Variants in TRERF1 observed in about 807,000 individuals in gnomAD.
TRERF1 encodes the protein transcriptional-regulating factor 1.
A neutral mutation model predicts 122.9 loss-of-function variants in TRERF1; 27 were observed. That is an observed-to-expected ratio of 0.22 (90% CI 0.16 to 0.30). TRERF1 has a LOEUF of 0.30. Ranked by LOEUF, TRERF1 falls within the 10% of genes least tolerant of loss-of-function variation. TRERF1 has a pLI of 1.00. For missense variants in TRERF1, 1,248 were observed against 1,560.3 expected (o/e 0.80, Z 3.37); for synonymous variants, 636 against 641.7 (o/e 0.99, Z 0.13).
At chr6:42,422,040 G>T (rs1224481676) in intron 2 of TRERF1, among the ~76,000 whole-genome samples, 2 of 151,128 alleles carry the variant, frequency 1.3e-5, no homozygotes, top group South Asian at 2.1e-4. Flanking sequence ...GCGTGGTGGC[G>T]TGCACCTGTA....
At chr6:42,368,791 A>T (rs1037225790) in intron 2 of TRERF1, among the ~76,000 whole-genome samples, 2 of 152,222 alleles carry the variant, frequency 1.3e-5, no homozygotes, top group Non-Finnish European at 2.9e-5. Context: ...TGCAGGACAT[A>T]GGCATTATAT....
At chr6:42,380,839 C>T (rs1775791750) in intron 2 of TRERF1, among the ~76,000 whole-genome samples, 1 of 152,224 alleles carries the variant, frequency 6.6e-6, no homozygotes, top group Non-Finnish European at 1.5e-5. Context: ...AGAGGGGCCA[C>T]ATCAGCAGGC....
At chr6:42,413,578 C>T (rs528588552) in intron 2 of TRERF1, among the ~76,000 whole-genome samples, 4 of 152,034 alleles carry the variant, frequency 2.6e-5, no homozygotes, top group Admixed American at 6.6e-5. Context: ...TATAGGTGCG[C>T]GCCACCATGC....
Position 42,268,933 on chromosome 6 carries a change from C to G in TRERF1, c.658G>C (p.Ala220Pro). Residue 220 changes from alanine to proline, a missense_variant, in exon 5 of 18, where the codon GCT becomes CCT. Physicochemically the swap from Ala to Pro is conservative, Grantham distance 27. Coordinates refer to ENST00000372922, the Ensembl canonical transcript of TRERF1. This position sits in a 1 kb window ranked among gnomAD's most constrained non-coding sequence, Gnocchi z 4.4. The stretch of plus-strand genomic sequence containing the variant: ...GTAGGGTGCTGCCCGACCTGAAGAG[C>G]TGGTTTGGACAGCCCACCAGTGAAA... 6.2e-7 allele frequency: 1 copy of G among 1,611,854 alleles called. No individual in the cohort carries two copies. The highest frequency in any genetic ancestry group is 8.5e-7 in the Non-Finnish European group (1 of 1,178,326).
At position 42,254,390 on chromosome 6, in the gene TRERF1, G is replaced by A. The variant is rs147144442; in HGVS notation, c.2656+461C>T. On this transcript the variant is annotated intron_variant, in intron 13 of 17. Coordinates refer to ENST00000372922, the Ensembl canonical transcript of TRERF1. ...TGCTACTAGGATGTGCCAGGCATTGGGCTACATATACCATCTCTAATCTCA... is the reference window on the plus strand; with the variant it reads ...TGCTACTAGGATGTGCCAGGCATTGAGCTACATATACCATCTCTAATCTCA... Among the ~76,000 whole-genome samples, 750 of 152,248 alleles carry A rather than the reference G, an allele frequency of 4.9e-3. 10 individuals carry two copies. The highest frequency in any genetic ancestry group is 0.017 in the African/African-American group (702 of 41,528).
intron 3 of TRERF1, among the ~76,000 whole-genome samples, chr6:42,361,979 C>T (rs1317632540): frequency 6.6e-6 from 1 of 152,172 alleles, no homozygotes; most frequent in Non-Finnish European, 1.5e-5. Context: ...CATTCCTCTA[C>T]CAGGGACACC....
At chr6:42,364,552 G>A (rs1245332126) in intron 2 of TRERF1, among the ~76,000 whole-genome samples, 1 of 152,246 alleles carries the variant, frequency 6.6e-6, no homozygotes, top group Non-Finnish European at 1.5e-5. Flanking sequence ...CAAGAGAAAA[G>A]AGAGTTGCAA....
Position 42,228,191 on chromosome 6 carries a change from A to T in TRERF1, c.*154T>A. On this transcript the variant is annotated 3_prime_UTR_variant, in exon 18 of 18. Transcript: ENST00000372922. The surrounding 1 kb of genome is among the most constrained non-coding windows in gnomAD (Gnocchi z 4.2). ...ACAAATTTTTTTAAATAAAAGGAAA[A>T]GAAATAGGATTTTTTTTTCTAAACC... is the stretch of plus-strand genomic sequence containing the variant. The T allele has an allele frequency of 1.5e-6, 1 of 670,568 alleles. No individual in the cohort carries two copies. Among genetic ancestry groups the T allele is most frequent in the South Asian group, 3.5e-5 (1 of 28,690 alleles). The allele number at this position is 670,568 out of a possible 1,614,324, so 41.5% of individuals were successfully genotyped here.
At chr6:42,339,157 C>A (rs1766777515) in intron 3 of TRERF1, among the ~76,000 whole-genome samples, 1 of 152,212 alleles carries the variant, frequency 6.6e-6, no homozygotes, top group African/African-American at 2.4e-5. Flanking sequence ...AACTGCAGGT[C>A]AATACCAGAT....
Position 42,276,998 on chromosome 6 carries a change from T to C in TRERF1, c.-258-7150A>G. Among the ~76,000 whole-genome samples the C allele has an allele frequency of 6.6e-6, 1 of 152,216 alleles. No homozygotes were observed. Among genetic ancestry groups the C allele is most frequent in the Non-Finnish European group, 1.5e-5 (1 of 68,024 alleles). Reference sequence around the variant, plus strand: ...TAGAGATTGGACCGATTTCACTTTTTGGTTGTCACTGTCACTGCCATCTTT... The same window carrying C: ...TAGAGATTGGACCGATTTCACTTTTCGGTTGTCACTGTCACTGCCATCTTT... On this transcript the variant is annotated intron_variant, in intron 4 of 17. Coordinates refer to ENST00000372922, the Ensembl canonical transcript of TRERF1. This position sits in a 1 kb window ranked among gnomAD's most constrained non-coding sequence, Gnocchi z 4.3.
At chr6:42,356,699 C>T (rs572190623) in intron 3 of TRERF1, among the ~76,000 whole-genome samples, 4 of 152,212 alleles carry the variant, frequency 2.6e-5, no homozygotes, top group East Asian at 1.9e-4. Context: ...CTCAGCCTCC[C>T]GAGTAGCTGG....
At chr6:42,343,415 A>G (rs1767666886) in intron 3 of TRERF1, among the ~76,000 whole-genome samples, 1 of 152,240 alleles carries the variant, frequency 6.6e-6, no homozygotes, top group South Asian at 2.1e-4. Context: ...AACTCTATGT[A>G]GCCACCATTT....
chr6:42,274,306 G>C (rs1780772518), intron 4 of TRERF1, among the ~76,000 whole-genome samples: 1 of 152,220 alleles, frequency 6.6e-6, no homozygotes, highest in Non-Finnish European at 1.5e-5. Context: ...TGAGGAAACA[G>C]AGAAACAGAG....
At chr6:42,382,658 A>C (rs1235834810) in intron 2 of TRERF1, among the ~76,000 whole-genome samples, 1 of 152,180 alleles carries the variant, frequency 6.6e-6, no homozygotes, top group Non-Finnish European at 1.5e-5. Flanking sequence ...AGAGTGTCCA[A>C]AATGTCTGAA....
intron 14 of TRERF1, 40 bp from the exon 15 acceptor site, chr6:42,243,401 G>T: frequency 7.2e-7 from 1 of 1,390,046 alleles, no homozygotes; most frequent in Non-Finnish European, 1.0e-6. Flanking sequence ...CCAGCAATGG[G>T]CAGAGAGCAA....
rs911432402 is a variant in TRERF1 at position 42,440,531 on chromosome 6, C to T, written c.-454+10646G>A. Among the ~76,000 whole-genome samples the T allele has an allele frequency of 2.6e-5, 4 of 152,130 alleles. No individual in the cohort carries two copies. In the East Asian group the frequency reaches 7.7e-4, roughly 29 times the overall value. On this transcript the variant is annotated intron_variant, in intron 2 of 17. Transcript: ENST00000372922. Reference sequence around the variant, plus strand: ...GTAAGCTTTCTATAAATAGCAGTTACTACTACTAAAGCGATCTGGAGCCCT... The same window carrying T: ...GTAAGCTTTCTATAAATAGCAGTTATTACTACTAAAGCGATCTGGAGCCCT...
chr6:42,429,331 A>G (rs779284423), intron 2 of TRERF1, among the ~76,000 whole-genome samples: 15 of 151,662 alleles, frequency 9.9e-5, no homozygotes, highest in Non-Finnish European at 1.9e-4. Context: ...CCGTGGATGG[A>G]CCCTGCGAGG....
At chr6:42,377,721 G>A (rs1484844684) in intron 2 of TRERF1, among the ~76,000 whole-genome samples, 2 of 152,120 alleles carry the variant, frequency 1.3e-5, no homozygotes, top group South Asian at 2.1e-4. Flanking sequence ...TTTTCCAAAC[G>A]CACAGTGGCT....
At chr6:42,271,009 C>T (rs539338163) in intron 4 of TRERF1, among the ~76,000 whole-genome samples, 5 of 151,568 alleles carry the variant, frequency 3.3e-5, no homozygotes, top group South Asian at 2.1e-4. Flanking sequence ...CCTCATGATC[C>T]GCCTGTCTCT....
Sources: gnomAD v4.1 joint callset for allele counts (sites outside exome capture counted in the v4.1 genomes callset) on GRCh38, gnomAD v4.1.1 for gene constraint, Gnocchi (gnomAD v3.1) non-coding constraint, MANE v1.5 for transcripts, NCBI Gene and HGNC (gene_info 2026-07-23, HGNC 2026-07-21) for gene names.